Variants in SLC41A2 observed in about 807,000 individuals in gnomAD.
SLC41A2 encodes the protein SLC41A1-like 1.
In SLC41A2, 32 loss-of-function variants were observed where a neutral mutation model predicts 58.3. The ratio of observed to expected loss-of-function variants is 0.55; its 90% CI spans 0.41 to 0.74. The LOEUF (loss-of-function observed/expected upper bound fraction) is 0.74, where lower values mean the gene tolerates loss of function less well. Ranked by LOEUF, SLC41A2 falls within the 30% of genes least tolerant of loss-of-function variation. The probability of loss-of-function intolerance (pLI) is 0.00; values close to 1 mark genes in which losing one functional copy is unlikely to be tolerated. For synonymous variants in SLC41A2, 190 were observed against 235.0 expected (o/e 0.81, Z 1.75); for missense variants, 514 against 680.6 (o/e 0.76, Z 2.72).
At chr12:104,856,055 C>T (rs188045305) in intron 8 of SLC41A2, among the ~76,000 whole-genome samples, 1 of 152,320 alleles carries the variant, frequency 6.6e-6, no homozygotes, top group Admixed American at 6.5e-5. Flanking sequence ...TTGATGAGTT[C>T]TACCTCCGAG....
chr12:104,923,116 A>G (rs111421950), intron 2 of SLC41A2, among the ~76,000 whole-genome samples: 1 of 149,824 alleles, frequency 6.7e-6, no homozygotes, highest in African/African-American at 2.4e-5. Context: ...TAATCCCAGC[A>G]CTTTGGGAGG....
intron 8 of SLC41A2, among the ~76,000 whole-genome samples, chr12:104,859,137 TA>T (rs2043117400): frequency 6.6e-6 from 1 of 152,058 alleles, no homozygotes; most frequent in African/African-American, 2.4e-5. Flanking sequence ...AGGGACAATA[TA>T]AAAACCTAGT....
chr12:104,897,479 A>T (rs1056393484), intron 3 of SLC41A2, among the ~76,000 whole-genome samples: 2 of 150,944 alleles, frequency 1.3e-5, no homozygotes, highest in Non-Finnish European at 1.5e-5. Flanking sequence ...TTTTTTTTTC[A>T]TGATCTCTAG....
At chr12:104,828,855 AT>A (rs1462316779) in intron 10 of SLC41A2, among the ~76,000 whole-genome samples, 1 of 152,076 alleles carries the variant, frequency 6.6e-6, no homozygotes, top group Non-Finnish European at 1.5e-5. Flanking sequence ...TAAAAAAAAA[AT>A]AGGCATAAGA....
intron 2 of SLC41A2, among the ~76,000 whole-genome samples, chr12:104,919,501 T>A (rs1227688316): frequency 1.3e-5 from 2 of 152,236 alleles, no homozygotes; most frequent in East Asian, 3.8e-4. Context: ...ACATGCTAAC[T>A]CCATCCAGTG....
chr12:104,924,692 T>A (rs1302184827), intron 2 of SLC41A2, among the ~76,000 whole-genome samples: 1 of 150,942 alleles, frequency 6.6e-6, no homozygotes, highest in Non-Finnish European at 1.5e-5. Context: ...TGCAGTGAGG[T>A]GAGACTGCAC....
intron 1 of SLC41A2, among the ~76,000 whole-genome samples, chr12:104,934,860 A>G (rs1214178580): frequency 1.3e-5 from 2 of 152,194 alleles, no homozygotes; most frequent in Non-Finnish European, 2.9e-5. Context: ...GGTGGTTACA[A>G]TGGGCGGTGG....
chr12:104,879,542 T>C (rs2135591910), intron 6 of SLC41A2, among the ~76,000 whole-genome samples: 1 of 152,364 alleles, frequency 6.6e-6, no homozygotes, highest in East Asian at 1.9e-4. Context: ...GCATCATTTA[T>C]TGAATAGGGA....
At chr12:104,936,915 A>T (rs1176138857) in intron 1 of SLC41A2, among the ~76,000 whole-genome samples, 2 of 152,258 alleles carry the variant, frequency 1.3e-5, no homozygotes, top group Non-Finnish European at 1.5e-5. Flanking sequence ...GTATTATTAC[A>T]AAAGTCAATA....
intron 1 of SLC41A2, among the ~76,000 whole-genome samples, chr12:104,944,591 G>A (rs1441738707): frequency 1.3e-5 from 2 of 152,136 alleles, no homozygotes; most frequent in African/African-American, 2.4e-5. Context: ...TTTGGTCAGG[G>A]CTGAGCACTA....
intron 10 of SLC41A2, 78 bp downstream of exon 10, chr12:104,844,394 T>G (rs2042527966): frequency 1.1e-6 from 1 of 949,312 alleles, no homozygotes; most frequent in Non-Finnish European, 1.5e-6. Context: ...AAATGTGTCA[T>G]GTGTTTTTAT....
intron 4 of SLC41A2, among the ~76,000 whole-genome samples, chr12:104,895,005 C>G (rs1437230219): frequency 2.6e-5 from 4 of 152,120 alleles, no homozygotes; most frequent in Admixed American, 2.6e-4. Context: ...CTCTATCACA[C>G]ACTTATGATA....
chr12:104,866,365 C>T (rs1405725349), intron 7 of SLC41A2, 67 bp downstream of exon 7: 3 of 1,436,790 alleles, frequency 2.1e-6, no homozygotes, highest in Non-Finnish European at 2.7e-6. Flanking sequence ...AGAAGACACA[C>T]AAAGACAGAC....
At chr12:104,843,050 G>A (rs969827449) in intron 10 of SLC41A2, among the ~76,000 whole-genome samples, 6 of 151,884 alleles carry the variant, frequency 4.0e-5, no homozygotes, top group African/African-American at 1.5e-4. Flanking sequence ...ATAATATACA[G>A]CAATAAAAGT....
intron 10 of SLC41A2, among the ~76,000 whole-genome samples, chr12:104,810,286 G>A (rs1385882430): frequency 6.6e-6 from 1 of 151,974 alleles, no homozygotes; most frequent in African/African-American, 2.4e-5. Context: ...TCTGTATGGA[G>A]GTAAATTTGC....
At chr12:104,914,030 C>A (rs2135800564) in intron 2 of SLC41A2, among the ~76,000 whole-genome samples, 1 of 152,208 alleles carries the variant, frequency 6.6e-6, no homozygotes, top group Non-Finnish European at 1.5e-5. Flanking sequence ...CCATTGCATT[C>A]CAGCCTGGGT....
chr12:104,908,552 T>C (rs945836192), intron 3 of SLC41A2, among the ~76,000 whole-genome samples: 1 of 152,268 alleles, frequency 6.6e-6, no homozygotes, highest in Non-Finnish European at 1.5e-5. Context: ...CTTTATATAC[T>C]AAAGGAATTT....
chr12:104,855,328 A>T (rs1169038849), intron 8 of SLC41A2, among the ~76,000 whole-genome samples: 2 of 152,204 alleles, frequency 1.3e-5, no homozygotes, highest in Non-Finnish European at 2.9e-5. Flanking sequence ...TTATCTTTAG[A>T]TTTGTAGTGC....
intron 8 of SLC41A2, among the ~76,000 whole-genome samples, chr12:104,860,068 T>C (rs1194485184): frequency 6.6e-6 from 1 of 152,122 alleles, no homozygotes; most frequent in Non-Finnish European, 1.5e-5. Context: ...TACATAGATA[T>C]GCAAAGTAAA....
Sources: gnomAD v4.1 joint callset for allele counts (sites outside exome capture counted in the v4.1 genomes callset) on GRCh38, gnomAD v4.1.1 for gene constraint, MANE v1.5 for transcripts, NCBI Gene and HGNC (gene_info 2026-07-23, HGNC 2026-07-21) for gene names.